DLG2: variants seen among roughly 807,000 people sequenced by gnomAD.
The protein encoded by DLG2 is discs large MAGUK scaffold protein 2, also known as disks large homolog 2.
A neutral mutation model predicts 132.5 loss-of-function variants in DLG2; 45 were observed. The observed-to-expected ratio is 0.34, with a 90% CI of 0.27 to 0.44. DLG2 has a LOEUF of 0.44. DLG2 is among the 20% of genes least tolerant of loss of function. DLG2 has a pLI of 1.00. For missense variants in DLG2, 1,045 were observed against 1,196.9 expected, an observed-to-expected ratio of 0.87 and a Z score of 1.87; for synonymous variants, 424 against 419.6, an observed-to-expected ratio of 1.01 and a Z score of -0.13.
chr11:84,605,416 C>T (rs971236196), intron 6 of DLG2, among the ~76,000 whole-genome samples: 9 of 151,816 alleles, frequency 5.9e-5, no homozygotes, highest in South Asian at 2.1e-4. Context: ...ATAATAGTTA[C>T]TTTTCTATAT....
intron 9 of DLG2, among the ~76,000 whole-genome samples, chr11:84,114,625 G>C (rs113856510): frequency 2.5e-4 from 38 of 152,188 alleles, no homozygotes; most frequent in African/African-American, 8.9e-4. Flanking sequence ...GTTTTTCTGC[G>C]GCTGCACGGA....
chr11:85,041,558 C>T (rs1409450873), intron 6 of DLG2, among the ~76,000 whole-genome samples: 1 of 151,808 alleles, frequency 6.6e-6, no homozygotes, highest in Non-Finnish European at 1.5e-5. Context: ...TTTAAAAGCT[C>T]ACTATGGGCT....
intron 6 of DLG2, among the ~76,000 whole-genome samples, chr11:84,847,348 G>T (rs2081604706): frequency 6.6e-6 from 1 of 152,102 alleles, no homozygotes; most frequent in African/African-American, 2.4e-5. Context: ...GCATTAACAT[G>T]AAAAGTAGAA....
chr11:83,900,356 G>C (rs1332797176), intron 15 of DLG2, among the ~76,000 whole-genome samples: 1 of 152,156 alleles, frequency 6.6e-6, no homozygotes, highest in African/African-American at 2.4e-5. Context: ...CTAAGAAAAT[G>C]GGGGAAATGT....
chr11:84,042,225 A>G (rs1340575989), intron 11 of DLG2, among the ~76,000 whole-genome samples: 2 of 151,906 alleles, frequency 1.3e-5, no homozygotes, highest in Non-Finnish European at 2.9e-5. Context: ...ATTGCCAACT[A>G]TATTATAAAC....
At chr11:84,463,278 A>T (rs2099085281) in intron 7 of DLG2, among the ~76,000 whole-genome samples, 1 of 151,196 alleles carries the variant, frequency 6.6e-6, no homozygotes, top group Admixed American at 6.6e-5. Context: ...GTATCCTCTG[A>T]GAAGCCAGCT....
chr11:84,946,873 AGCC>A (rs1196033298), intron 6 of DLG2, among the ~76,000 whole-genome samples: 1 of 152,216 alleles, frequency 6.6e-6, no homozygotes, highest in Non-Finnish European at 1.5e-5. Context: ...TGGTGGTGCT[AGCC>A]GGAACTCAGG....
At chr11:83,713,857 T>C (rs1031261703) in intron 18 of DLG2, among the ~76,000 whole-genome samples, 2 of 152,172 alleles carry the variant, frequency 1.3e-5, no homozygotes, top group Non-Finnish European at 2.9e-5. Context: ...GCATACAGTA[T>C]TTGCCAGAGT....
At chr11:83,688,721 T>C (rs746364427) in intron 18 of DLG2, among the ~76,000 whole-genome samples, 3 of 152,230 alleles carry the variant, frequency 2.0e-5, no homozygotes, top group Non-Finnish European at 2.9e-5. Context: ...TATGATTGTG[T>C]GTACCTTCTT....
chr11:83,897,497 T>C (rs770389725), intron 15 of DLG2, among the ~76,000 whole-genome samples: 1 of 152,230 alleles, frequency 6.6e-6, no homozygotes, highest in Non-Finnish European at 1.5e-5. Flanking sequence ...ATATTTTAAA[T>C]GTTAAATTAC....
At position 84,208,749 on chromosome 11, in the gene DLG2, A is replaced by G. The variant is rs147092692; in HGVS notation, c.573+42489T>C. Among the ~76,000 whole-genome samples the G allele has an allele frequency of 3.3e-5, 5 of 152,360 alleles. No homozygotes were observed. The East Asian group carries it at 9.6e-4, about 29-fold the overall frequency. ...ATAAAAGGAAGTGTACACTGTACAT[A>G]AACACTGTACTTTAATTGATAAATT... On this transcript the variant is annotated intron_variant, in intron 8 of 27. Coordinates refer to ENST00000376104, the MANE Select transcript of DLG2 (RefSeq NM_001142699.3).
intron 6 of DLG2, among the ~76,000 whole-genome samples, chr11:84,847,363 T>C (rs577334466): frequency 2.9e-4 from 44 of 152,246 alleles, no homozygotes; most frequent in African/African-American, 9.4e-4. Flanking sequence ...GTAGAAAATA[T>C]AGCCAATGAA....
chr11:83,973,154 T>G (rs1241812919), intron 12 of DLG2, among the ~76,000 whole-genome samples: 2 of 152,136 alleles, frequency 1.3e-5, no homozygotes, highest in Non-Finnish European at 2.9e-5. Context: ...CATTTTCATA[T>G]GTTTTAAAAT....
At chr11:84,174,073 C>T (rs2095887602) in intron 8 of DLG2, among the ~76,000 whole-genome samples, 1 of 118,044 alleles carries the variant, frequency 8.5e-6, no homozygotes, top group Non-Finnish European at 1.6e-5. Flanking sequence ...GGTCTCAATA[C>T]ATCTAAAACA....
At chr11:83,665,352 C>G (rs191620251) in intron 18 of DLG2, among the ~76,000 whole-genome samples, 1 of 152,112 alleles carries the variant, frequency 6.6e-6, no homozygotes, top group Admixed American at 6.6e-5. Context: ...AATGGAGATA[C>G]GACAGTGAAT....
At chr11:85,373,712 CT>C (rs1351046973) in intron 3 of DLG2, among the ~76,000 whole-genome samples, 1 of 152,138 alleles carries the variant, frequency 6.6e-6, no homozygotes, top group East Asian at 1.9e-4. Flanking sequence ...CTGTTTTCCC[CT>C]TTTTTCCCTT....
At chr11:83,643,218 T>C (rs1365290936) in intron 18 of DLG2, among the ~76,000 whole-genome samples, 2 of 152,214 alleles carry the variant, frequency 1.3e-5, no homozygotes, top group African/African-American at 2.4e-5. Context: ...CTCTGAGATT[T>C]ATCTCAAAAG....
intron 6 of DLG2, among the ~76,000 whole-genome samples, chr11:84,842,851 T>C (rs1399851682): frequency 2.0e-5 from 3 of 151,820 alleles, no homozygotes; most frequent in Non-Finnish European, 4.4e-5. Context: ...TACAGACTCT[T>C]TCTTGGTATA....
chr11:84,804,146 C>A (rs571189784), intron 6 of DLG2, among the ~76,000 whole-genome samples: 8 of 152,248 alleles, frequency 5.3e-5, no homozygotes, highest in African/African-American at 1.7e-4. Context: ...TATTATTTTT[C>A]AAATTGACTA....
Sources: allele counts gnomAD v4.1 joint callset (sites outside exome capture counted in the v4.1 genomes callset), GRCh38; gene constraint gnomAD v4.1.1; transcripts MANE v1.5; gene names NCBI Gene and HGNC (gene_info 2026-07-23, HGNC 2026-07-21).